The following ZNF548 variants were observed in gnomAD, a reference collection of about 807,000 sequenced individuals.
ZNF548 encodes zinc finger protein 548.
A neutral mutation model predicts 10.2 loss-of-function variants in ZNF548; 10 were observed. The ratio of observed to expected loss-of-function variants is 0.98; its 90% CI spans 0.60 to 1.66. The LOEUF (loss-of-function observed/expected upper bound fraction) is 1.66, where lower values mean the gene tolerates loss of function less well. Among genes scored for constraint, ZNF548 ranks in the 40% most tolerant of loss-of-function variants. ZNF548 has a pLI of 0.00. For synonymous variants in ZNF548, 217 were observed against 223.5 expected (o/e 0.97, Z 0.26); for missense variants, 599 against 657.0 (o/e 0.91, Z 0.97).
At chr19:57,390,917 T>C (rs566516760) in intron 1 of ZNF548, 80 of 152,334 alleles carry the variant, frequency 5.3e-4, no homozygotes, top group African/African-American at 1.9e-3. Flanking sequence ...GGCCAGAGAA[T>C]GGTCTGAGGA....
At chr19:57,391,858 A>T (rs1446535358) in intron 1 of ZNF548, among the ~76,000 whole-genome samples, 1 of 131,142 alleles carries the variant, frequency 7.6e-6, no homozygotes, top group Non-Finnish European at 1.5e-5. Flanking sequence ...CAGTGGCGCG[A>T]TCTCGGCTCA....
At chr19:57,393,346 T>C (rs1226114493) in intron 1 of ZNF548, among the ~76,000 whole-genome samples, 1 of 151,998 alleles carries the variant, frequency 6.6e-6, no homozygotes, top group Non-Finnish European at 1.5e-5. Flanking sequence ...AGGCAGTTAA[T>C]AGTGAAGTCA....
At chr19:57,392,340 C>G (rs2088632962) in intron 1 of ZNF548, among the ~76,000 whole-genome samples, 1 of 152,152 alleles carries the variant, frequency 6.6e-6, no homozygotes, top group Non-Finnish European at 1.5e-5. Context: ...CTTTTGAAGT[C>G]TTATTCATGA....
At position 57,394,858 on chromosome 19, in the gene ZNF548, A is replaced by G. The variant is rs894263693; in HGVS notation, c.51+635A>G. 2.4e-4 allele frequency among the ~76,000 whole-genome samples: 36 copies of G among 152,250 alleles called. No individual in the cohort carries two copies. The South Asian group carries it at 5.4e-3, about 23-fold the overall frequency. ...AGAGTGAGGCAGCTGGGGAGGTGGGATAGAAGGGGAATCAGGAGTGGCCCC... is the reference window on the plus strand; with the variant it reads ...AGAGTGAGGCAGCTGGGGAGGTGGGGTAGAAGGGGAATCAGGAGTGGCCCC... On this transcript the variant is annotated intron_variant, in intron 2 of 3. Transcript: ENST00000336128.
intron 2 of ZNF548, 146 bp from the exon 3 acceptor site, chr19:57,396,902 A>G: frequency 1.7e-6 from 2 of 1,211,652 alleles, no homozygotes; most frequent in Non-Finnish European, 1.1e-6. Context: ...ATATGGGCCC[A>G]GGGTGGTAGG....
intron 1 of ZNF548, among the ~76,000 whole-genome samples, chr19:57,391,954 C>T (rs2088629605): frequency 6.6e-6 from 1 of 152,012 alleles, no homozygotes; most frequent in South Asian, 2.1e-4. Flanking sequence ...CCCACCACCA[C>T]GCCCAGCTAA....
Position 57,399,275 on chromosome 19 carries a change from G to C in ZNF548, c.1024G>C (p.Val342Leu). The C allele has an allele frequency of 6.2e-7, 1 of 1,613,844 alleles. No homozygotes were observed. The highest frequency in any genetic ancestry group is 8.5e-7 in the Non-Finnish European group (1 of 1,179,940). Residue 342 changes from valine (V) to leucine (L), a missense_variant, in exon 4 of 4, where the codon GTT (valine) becomes CTT (leucine). By Grantham distance (32) the Val-to-Leu change is conservative (BLOSUM62 1). Coordinates refer to ENST00000336128, the MANE Select transcript of ZNF548 (RefSeq NM_001172773.2). This position sits in a 1 kb window ranked among gnomAD's most constrained non-coding sequence, Gnocchi z 4.0. ...DSSTLIKHQR[V>L]HTGERPYKCN... The stretch of plus-strand genomic sequence containing the variant: ...CTCCACACTCATTAAACATCAGAGA[G>C]TTCACACCGGAGAAAGACCTTATAA...
At position 57,395,341 on chromosome 19, in the gene ZNF548, C is replaced by T. The variant is rs977131166; in HGVS notation, c.51+1118C>T. On this transcript the variant is annotated intron_variant, in intron 2 of 3. Transcript: ENST00000336128. This position sits in a 1 kb window ranked among gnomAD's most constrained non-coding sequence, Gnocchi z 4.8. The stretch of plus-strand genomic sequence containing the variant: ...ATAATAGGGTGAGGTCGGAGAGTTG[C>T]TAACTATCAGTTGGGAGGAGGTGAG... 1.3e-5 allele frequency among the ~76,000 whole-genome samples: 2 copies of T among 152,092 alleles called. No homozygotes were observed. The highest frequency in any genetic ancestry group is 2.9e-5 in the Non-Finnish European group (2 of 67,994).
At chr19:57,394,014 G>A (rs1056982328) in intron 1 of ZNF548, 174 bp from the exon 2 acceptor site, 3 of 681,250 alleles carry the variant, frequency 4.4e-6, no homozygotes, top group Admixed American at 2.7e-5. Flanking sequence ...TGAAGCTCAG[G>A]TGGGTTTGGT....
chr19:57,401,250 G>A lies in ZNF548; in HGVS notation c.*1361G>A, dbSNP rs1335494104. ...TCTGTGGGTTCTGTATTCATGGATC[G>A]AAGCAACCATGGATCAAAAGTATTT... On this transcript the variant is annotated 3_prime_UTR_variant, in exon 4 of 4. Coordinates refer to ENST00000336128, the MANE Select transcript of ZNF548 (RefSeq NM_001172773.2). 6.6e-6 allele frequency: 1 copy of A among 152,062 alleles called. No homozygotes were observed. Among genetic ancestry groups the A allele is most frequent in the Non-Finnish European group, 1.5e-5 (1 of 68,038 alleles). The allele number at this position is 152,062 out of a possible 1,614,324, so 9.4% of individuals were successfully genotyped here. A position where few individuals can be genotyped will look rare whatever the true frequency, so the allele number is the denominator to read the frequency against.
Position 57,390,088 on chromosome 19 carries a change from G to A in ZNF548, c.-12G>A. 6.2e-7 allele frequency: 1 copy of A among 1,609,092 alleles called. No homozygotes were observed. ...CCGCTCTTCCCTGGCTGGGCTGGCG[G>A]AGGCCTTGCTGATGAACCTGACTGA... On this transcript the variant is annotated 5_prime_UTR_variant, in exon 1 of 4. Coordinates refer to ENST00000336128, the MANE Select transcript of ZNF548 (RefSeq NM_001172773.2).
rs756754323 is a variant in ZNF548 at position 57,399,858 on chromosome 19, G to C, written c.1607G>C (p.Arg536Thr). ...AAAACTCCAACCTCATTAAACATCAGAGATTTCACAATGGAGAAAGTTTAC... is the reference window on the plus strand; with the variant it reads ...AAAACTCCAACCTCATTAAACATCACAGATTTCACAATGGAGAAAGTTTAC... Reference protein sequence around the residue: ...LAKTPTSLNIRDFTMEKVYH With the variant: ...LAKTPTSLNITDFTMEKVYH The change falls in exon 4 of 4, where the codon AGA becomes ACA. Residue 536 changes from arginine (R) to threonine (T), a missense_variant. Physicochemically the swap from Arg to Thr is moderately conservative, Grantham distance 71. Coordinates refer to ENST00000336128, the MANE Select transcript of ZNF548 (RefSeq NM_001172773.2). The surrounding 1 kb of genome is among the most constrained non-coding windows in gnomAD (Gnocchi z 4.0). 1.2e-6 allele frequency: 2 copies of C among 1,605,306 alleles called. No individual in the cohort carries two copies. The highest frequency in any genetic ancestry group is 2.2e-5 in the South Asian group (2 of 90,610).
chr19:57,399,653 A>G lies in ZNF548; in HGVS notation c.1402A>G (p.Lys468Glu), dbSNP rs117628168. The stretch of plus-strand genomic sequence containing the variant: ...GCCTTACGAGTGCAGAGAGTGTGGG[A>G]AAGCCTTTAGCCACAAGCATATACT... The part of the protein sequence containing the change: ...ERPYECRECG[K>E]AFSHKHILVE... Residue 468 changes from lysine (K) to glutamate (E), a missense_variant, in exon 4 of 4, where the codon AAA becomes GAA. Coordinates refer to ENST00000336128, the MANE Select transcript of ZNF548 (RefSeq NM_001172773.2). The surrounding 1 kb of genome is among the most constrained non-coding windows in gnomAD (Gnocchi z 4.0). 1 of 1,614,126 alleles carries G rather than the reference A, an allele frequency of 6.2e-7. No individual in the cohort carries two copies. The highest frequency in any genetic ancestry group is 2.2e-5 in the East Asian group (1 of 44,880).
At chr19:57,394,903 A>T (rs1171894543) in intron 2 of ZNF548, among the ~76,000 whole-genome samples, 1 of 152,176 alleles carries the variant, frequency 6.6e-6, no homozygotes, top group African/African-American at 2.4e-5. Flanking sequence ...GTTTGGAAGC[A>T]TAGATGCTCC....
At chr19:57,391,063 A>G (rs1333868923) in intron 1 of ZNF548, among the ~76,000 whole-genome samples, 1 of 152,208 alleles carries the variant, frequency 6.6e-6, no homozygotes, top group African/African-American at 2.4e-5. Context: ...CATCGCCTGA[A>G]TAATGTACAT....
Position 57,394,216 on chromosome 19 carries a change from C to G in ZNF548, c.44C>G (p.Pro15Arg). Residue 15 changes from proline (P) to arginine (R), a missense_variant, in exon 2 of 4, where the codon CCT becomes CGT. By Grantham distance (103) the Pro-to-Arg change is moderately radical. Transcript: ENST00000336128. ...EGPLAMAEMD[P>R]TQGRVVFEDV... ...CCCCTGGCGATGGCAGAAATGGACCCTACACAGGTGAGTAGAGTGTTTCCT... is the reference window on the plus strand; with the variant it reads ...CCCCTGGCGATGGCAGAAATGGACCGTACACAGGTGAGTAGAGTGTTTCCT... 6.2e-7 allele frequency: 1 copy of G among 1,604,434 alleles called. No homozygotes were observed. Among genetic ancestry groups the G allele is most frequent in the Non-Finnish European group, 8.5e-7 (1 of 1,179,446 alleles).
chr19:57,402,605 C>T lies in ZNF548; in HGVS notation c.*2716C>T, dbSNP rs1431001888. On this transcript the variant is annotated 3_prime_UTR_variant, in exon 4 of 4. Coordinates refer to ENST00000336128, the MANE Select transcript of ZNF548 (RefSeq NM_001172773.2). ...AAGAACCCAGAAAAGTATTATGAAT[C>T]TAGTGAATGTTGGAAAATCTTTAGC... The T allele has an allele frequency of 6.6e-6, 1 of 152,196 alleles. No individual in the cohort carries two copies. Among genetic ancestry groups the T allele is most frequent in the African/African-American group, 2.4e-5 (1 of 41,448 alleles). The allele number at this position is 152,196 out of a possible 1,614,324, so 9.4% of individuals were successfully genotyped here. A position where few individuals can be genotyped will look rare whatever the true frequency, so the allele number is the denominator to read the frequency against.
intron 2 of ZNF548, 105 bp downstream of exon 2, chr19:57,394,328 G>T: frequency 2.4e-6 from 3 of 1,236,512 alleles, no homozygotes; most frequent in Middle Eastern, 1.9e-4. Flanking sequence ...TCTGAAGGGT[G>T]AGTGGTTTCA....
intron 1 of ZNF548, among the ~76,000 whole-genome samples, chr19:57,391,297 CT>C (rs35713836): frequency 0.48 from 66,965 of 140,414 alleles, 15,534 homozygotes; most frequent in East Asian, 0.63. Flanking sequence ...TAGTTTCATG[CT>C]TTTTTTTTTT....
Sources: gnomAD v4.1 joint callset for allele counts (sites outside exome capture counted in the v4.1 genomes callset) on GRCh38, gnomAD v4.1.1 for gene constraint, Gnocchi (gnomAD v3.1) non-coding constraint, MANE v1.5 for transcripts, NCBI Gene and HGNC (gene_info 2026-07-23, HGNC 2026-07-21) for gene names.